The following TENM4 variants were observed in gnomAD, a reference collection of about 807,000 sequenced individuals.
TENM4 encodes teneurin transmembrane protein 4.
Under a neutral mutation model 243.3 loss-of-function variants are expected in TENM4, and 82 were observed. The ratio of observed to expected loss-of-function variants is 0.34; its 90% confidence interval spans 0.28 to 0.40. The LOEUF (loss-of-function observed/expected upper bound fraction) is 0.40, where lower values mean the gene tolerates loss of function less well. Among genes scored for constraint, TENM4 ranks in the 10% least tolerant of loss-of-function variants. TENM4 has a pLI of 1.00. For missense variants in TENM4, 3,138 were observed against 3,673.3 expected, an observed-to-expected ratio of 0.85 and a Z score of 3.77; for synonymous variants, 1,412 against 1,456.3, an observed-to-expected ratio of 0.97 and a Z score of 0.69.
At chr11:78,835,627 T>C (rs1365375938) in intron 12 of TENM4, among the ~76,000 whole-genome samples, 1 of 152,240 alleles carries the variant, frequency 6.6e-6, no homozygotes, top group African/African-American at 2.4e-5. Context: ...TATTAATTGT[T>C]GGTGATCTTC....
At position 78,814,217 on chromosome 11, in the gene TENM4, T is replaced by G. The variant is rs1181847358; in HGVS notation, c.1783+77A>C. On this transcript the variant is annotated intron_variant, in intron 13 of 33. Coordinates refer to ENST00000278550, the MANE Select transcript of TENM4 (RefSeq NM_001098816.3). The stretch of plus-strand genomic sequence containing the variant: ...TCAGAAGGTGGGCTGGATTCTGCAC[T>G]TGCTCTGAGAAGTAGAAGTGAGCTG... The G allele has an allele frequency of 6.4e-6, 9 of 1,401,078 alleles. No homozygotes were observed. In the East Asian group the frequency reaches 2.3e-4, roughly 36 times the overall value. The allele number at this position is 1,401,078 out of a possible 1,614,324, so 86.8% of individuals were successfully genotyped here.
intron 12 of TENM4, among the ~76,000 whole-genome samples, chr11:78,819,811 G>C (rs1166443397): frequency 6.6e-6 from 1 of 152,050 alleles, no homozygotes; most frequent in Non-Finnish European, 1.5e-5. Context: ...TGTTTTTGTT[G>C]TCTCCTTAAA....
In TENM4 at chr11:78,696,445, T is replaced by TGTGTAGCATGGTAGAGCC. The variant is rs1858965978; in HGVS notation, c.5087+5080_5087+5081insGGCTCTACCATGCTACAC. On this transcript the variant is annotated intron_variant, in intron 28 of 33. Transcript: ENST00000278550. ...TTTTCTTGCCCTTTTGTACGTTCAG[T>TGTGTAGCATGGTAGAGCC]TGAAAGCGTGACATCTTGTGTAGCA... 2.0e-5 allele frequency among the ~76,000 whole-genome samples: 3 copies of TGTGTAGCATGGTAGAGCC among 151,806 alleles called. No homozygotes were observed. The South Asian group carries it at 6.2e-4, about 31-fold the overall frequency.
At chr11:79,393,052 G>A (rs376483894) in intron 1 of TENM4, among the ~76,000 whole-genome samples, 25 of 152,086 alleles carry the variant, frequency 1.6e-4, no homozygotes, top group South Asian at 6.3e-4. Flanking sequence ...TCCCCTTTTC[G>A]TGCCTCTTCT....
chr11:79,174,975 T>C lies in TENM4; in HGVS notation c.-162-26169A>G, dbSNP rs1222836146. ...ACAATGCCACTGTTTCTTGCCAGGA[T>C]CCTAAGTAATATACTATCTATCTCT... On this transcript the variant is annotated intron_variant, in intron 3 of 33. Coordinates refer to ENST00000278550, the MANE Select transcript of TENM4 (RefSeq NM_001098816.3). Among the ~76,000 whole-genome samples, 3 of 152,316 alleles carry C rather than the reference T, an allele frequency of 2.0e-5. No individual in the cohort carries two copies. The East Asian group carries it at 5.8e-4, about 29-fold the overall frequency.
intron 3 of TENM4, among the ~76,000 whole-genome samples, chr11:79,200,490 C>T (rs914727224): frequency 2.0e-5 from 3 of 152,164 alleles, no homozygotes; most frequent in Admixed American, 1.3e-4. Flanking sequence ...CAAACTTGGC[C>T]CAGGAAGGGC....
At chr11:78,891,186 C>G in intron 8 of TENM4, 52 bp downstream of exon 8, 1 of 1,513,412 alleles carries the variant, frequency 6.6e-7, no homozygotes, top group Non-Finnish European at 9.0e-7. Context: ...CATGCAAGTG[C>G]AGGAGCCACA....
intron 2 of TENM4, among the ~76,000 whole-genome samples, chr11:79,237,079 T>C (rs2135272863): frequency 6.6e-6 from 1 of 152,310 alleles, no homozygotes; most frequent in Non-Finnish European, 1.5e-5. Flanking sequence ...ATTAAATCCT[T>C]TTCTGTTTAA....
intron 4 of TENM4, among the ~76,000 whole-genome samples, chr11:79,108,740 C>G (rs1217329915): frequency 6.6e-6 from 1 of 152,118 alleles, no homozygotes; most frequent in African/African-American, 2.4e-5. Flanking sequence ...AAAGAGCTAT[C>G]CTCCTCCCTC....
intron 4 of TENM4, among the ~76,000 whole-genome samples, chr11:79,076,065 G>A (rs1256220281): frequency 6.6e-6 from 1 of 152,198 alleles, no homozygotes; most frequent in Non-Finnish European, 1.5e-5. Context: ...CTTGGTTTTG[G>A]TGTGTCTGTG....
intron 24 of TENM4, among the ~76,000 whole-genome samples, chr11:78,721,137 A>G (rs751347294): frequency 1.3e-5 from 2 of 152,162 alleles, no homozygotes; most frequent in Admixed American, 6.5e-5. Context: ...TTCCTCGTCC[A>G]TGGTGCTTTC....
At chr11:78,977,935 C>A (rs1857702199) in intron 6 of TENM4, among the ~76,000 whole-genome samples, 1 of 152,106 alleles carries the variant, frequency 6.6e-6, no homozygotes, top group Non-Finnish European at 1.5e-5. Flanking sequence ...TTCACAATAG[C>A]AAAGACTTGG....
At chr11:78,857,003 G>C (rs1314673555) in intron 10 of TENM4, among the ~76,000 whole-genome samples, 1 of 152,062 alleles carries the variant, frequency 6.6e-6, no homozygotes, top group African/African-American at 2.4e-5. Context: ...ACAGCTCTCT[G>C]GGGGCACCAC....
chr11:78,698,759 G>A (rs1444096545), intron 28 of TENM4, among the ~76,000 whole-genome samples: 2 of 152,244 alleles, frequency 1.3e-5, no homozygotes, highest in Non-Finnish European at 2.9e-5. Flanking sequence ...ATTTCTGTCT[G>A]GTTGAGACTT....
intron 30 of TENM4, among the ~76,000 whole-genome samples, chr11:78,674,562 G>A (rs954384842): frequency 6.6e-6 from 1 of 152,214 alleles, no homozygotes; most frequent in Non-Finnish European, 1.5e-5. Context: ...GAGGCTCAGA[G>A]GAGCTGCTCA....
intron 4 of TENM4, among the ~76,000 whole-genome samples, chr11:79,083,176 T>C (rs1410260511): frequency 6.6e-6 from 1 of 152,156 alleles, no homozygotes; most frequent in Non-Finnish European, 1.5e-5. Context: ...AAGAGGCTGC[T>C]GGGGTGGAGG....
chr11:78,917,092 T>G (rs1239387025), intron 6 of TENM4, among the ~76,000 whole-genome samples: 1 of 152,242 alleles, frequency 6.6e-6, no homozygotes, highest in Non-Finnish European at 1.5e-5. Context: ...AATGATGTTT[T>G]GGGGACCACA....
At chr11:79,154,773 C>T (rs773830299) in intron 3 of TENM4, among the ~76,000 whole-genome samples, 2 of 152,130 alleles carry the variant, frequency 1.3e-5, no homozygotes, top group Non-Finnish European at 2.9e-5. Context: ...TGTGATCACA[C>T]TTACCAGAGT....
chr11:79,291,704 C>G (rs1470648688), intron 2 of TENM4, among the ~76,000 whole-genome samples: 1 of 152,178 alleles, frequency 6.6e-6, no homozygotes. Flanking sequence ...TATTATTACT[C>G]CAGTGTACAG....
Sources: allele counts gnomAD v4.1 joint callset (sites outside exome capture counted in the v4.1 genomes callset), GRCh38; gene constraint gnomAD v4.1.1; transcripts MANE v1.5; gene names NCBI Gene and HGNC (gene_info 2026-07-23, HGNC 2026-07-21).